NADSYN1: variants seen among roughly 807,000 people sequenced by gnomAD.
The protein encoded by NADSYN1 is glutamine-dependent NAD(+) synthetase.
In NADSYN1, 80 loss-of-function variants were observed where a neutral mutation model predicts 99.3. The observed-to-expected ratio is 0.81, with a 90% CI of 0.67 to 0.97. The LOEUF (loss-of-function observed/expected upper bound fraction) is 0.97, where lower values mean the gene tolerates loss of function less well. Among genes scored for constraint, NADSYN1 ranks in the 50% least tolerant of loss-of-function variants. The probability of loss-of-function intolerance (pLI) is 0.00; values close to 1 mark genes in which losing one functional copy is unlikely to be tolerated. For missense variants in NADSYN1, 859 were observed against 948.5 expected (o/e 0.91, Z 1.24); for synonymous variants, 385 against 372.1 (o/e 1.03, Z -0.40).
At chr11:71,453,434 G>T in intron 1 of NADSYN1, 53 bp downstream of exon 1, 1 of 1,503,136 alleles carries the variant, frequency 6.7e-7, no homozygotes. Flanking sequence ...GGGCACCGTG[G>T]CTGGGCCCAG....
chr11:71,465,922 A>G (rs1264658513), intron 5 of NADSYN1, among the ~76,000 whole-genome samples: 1 of 152,098 alleles, frequency 6.6e-6, no homozygotes, highest in Non-Finnish European at 1.5e-5. Context: ...ATATACAATG[A>G]ATTTTCCTTT....
chr11:71,473,017 C>G (rs574891639), intron 6 of NADSYN1, among the ~76,000 whole-genome samples: 1 of 152,216 alleles, frequency 6.6e-6, no homozygotes, highest in African/African-American at 2.4e-5. Flanking sequence ...GCAGCCCCAT[C>G]GATGTCCGTG....
chr11:71,466,642 C>T (rs1312062698), intron 5 of NADSYN1: 1 of 152,294 alleles, frequency 6.6e-6, no homozygotes, highest in Non-Finnish European at 1.5e-5. Context: ...CCTCGCGGTT[C>T]ACTTTCTGTC....
chr11:71,454,435 C>T (rs1250800650), intron 1 of NADSYN1, among the ~76,000 whole-genome samples: 1 of 152,252 alleles, frequency 6.6e-6, no homozygotes, highest in Non-Finnish European at 1.5e-5. Context: ...TGGCCTCGAA[C>T]TCCTGACCTC....
rs1949492360 is a variant in NADSYN1, at chr11:71,453,355, A to AG, written c.62dup (p.Asn22GlnfsTer10). 1.2e-6 allele frequency: 2 copies of AG among 1,613,690 alleles called. No homozygotes were observed. The highest frequency in any genetic ancestry group is 1.7e-5 in the Admixed American group (1 of 59,998). ...CTCAACCAGTGGGCCCTGGACTTCG[A>AG]GGGCAATTTGCAAAGAATTTTAAAG... On this transcript the variant is annotated frameshift_variant, in exon 1 of 21. Coordinates refer to ENST00000319023, the MANE Select transcript of NADSYN1 (RefSeq NM_018161.5). LOFTEE classifies it high-confidence loss of function.
At chr11:71,469,927 G>GAAAGAAAAAAAA (rs1949615922) in intron 5 of NADSYN1, among the ~76,000 whole-genome samples, 1 of 109,180 alleles carries the variant, frequency 9.2e-6, no homozygotes. Context: ...GCCTGTCTCA[G>GAAAGAAAAAAAA]AAAAAAAAAA....
chr11:71,458,063 A>G (rs577775013), intron 2 of NADSYN1, among the ~76,000 whole-genome samples: 2 of 152,286 alleles, frequency 1.3e-5, no homozygotes, highest in South Asian at 4.1e-4. Context: ...TTTGCCAAAG[A>G]ATGGATTTCT....
At chr11:71,473,717 AG>A in intron 8 of NADSYN1, 31 bp downstream of exon 8, 1 of 1,488,272 alleles carries the variant, frequency 6.7e-7, no homozygotes, top group Non-Finnish European at 9.4e-7. Flanking sequence ...CGTGCGCCAC[AG>A]GGCAGACACT....
chr11:71,464,325 T>C, intron 5 of NADSYN1, 183 bp downstream of exon 5: 1 of 547,922 alleles, frequency 1.8e-6, no homozygotes, highest in Non-Finnish European at 3.2e-6. Context: ...AAGGAGAGAG[T>C]GATTGAAAAT....
chr11:71,492,259 G>A (rs1949786851), intron 18 of NADSYN1, among the ~76,000 whole-genome samples: 1 of 152,222 alleles, frequency 6.6e-6, no homozygotes, highest in African/African-American at 2.4e-5. Flanking sequence ...CTGGCCCTTC[G>A]TGATGAGGCC....
At chr11:71,498,744 G>A (rs565645877) in intron 20 of NADSYN1, 15 of 477,996 alleles carry the variant, frequency 3.1e-5, no homozygotes, top group South Asian at 4.8e-5. Context: ...TGTCCAACAT[G>A]ACATTTCGAT....
intron 17 of NADSYN1, 93 bp downstream of exon 17, chr11:71,491,069 A>G: frequency 1.3e-6 from 2 of 1,532,850 alleles, no homozygotes; most frequent in East Asian, 2.3e-5. Context: ...GCTCCTTCGT[A>G]GCTCCTGTTG....
chr11:71,478,848 G>A (rs1949686713), intron 10 of NADSYN1: 2 of 188,752 alleles, frequency 1.1e-5, no homozygotes, highest in Admixed American at 1.0e-4. Flanking sequence ...GCCGAGGCTG[G>A]TCCCCACTTC....
At chr11:71,501,163 G>A (rs549249297) in intron 20 of NADSYN1, 139 bp from the exon 21 acceptor site, 15 of 741,818 alleles carry the variant, frequency 2.0e-5, no homozygotes, top group African/African-American at 9.0e-5. Flanking sequence ...CAGCACACAC[G>A]CCCAGCATCT....
In NADSYN1 at chr11:71,454,042, G is replaced by A. The variant is rs80203035; in HGVS notation, c.85+661G>A. Among the ~76,000 whole-genome samples the A allele has an allele frequency of 3.3e-3, 501 of 152,318 alleles. 5 individuals are homozygous for A. The highest frequency in any genetic ancestry group is 0.012 in the African/African-American group (486 of 41,556). On this transcript the variant is annotated intron_variant, in intron 1 of 20. Coordinates refer to ENST00000319023, the MANE Select transcript of NADSYN1 (RefSeq NM_018161.5). ...TCGTTCATATGGACGCACCGTGGAG[G>A]ATGAAAAGTTAAACTATTACACCTG...
chr11:71,481,153 G>A, intron 11 of NADSYN1: 1 of 663,554 alleles, frequency 1.5e-6, no homozygotes, highest in Non-Finnish European at 2.6e-6. Context: ...TTAAAATGAG[G>A]ACGATGATAA....
intron 4 of NADSYN1, among the ~76,000 whole-genome samples, chr11:71,463,785 C>T (rs1242219562): frequency 6.6e-6 from 1 of 152,166 alleles, no homozygotes; most frequent in Non-Finnish European, 1.5e-5. Flanking sequence ...TGAGCAAGTT[C>T]CCTTGGAGCG....
At chr11:71,471,454 G>A (rs901316672) in intron 5 of NADSYN1, among the ~76,000 whole-genome samples, 1 of 152,222 alleles carries the variant, frequency 6.6e-6, no homozygotes, top group East Asian at 1.9e-4. Context: ...CCATCCTCAA[G>A]GTGTGCGCTG....
At chr11:71,481,528 A>T in intron 12 of NADSYN1, 124 bp downstream of exon 12, 3 of 971,686 alleles carry the variant, frequency 3.1e-6, no homozygotes, top group South Asian at 1.6e-5. Context: ...GCATTTCATC[A>T]CTCTGCCTCC....
Sources: allele counts gnomAD v4.1 joint callset (sites outside exome capture counted in the v4.1 genomes callset), GRCh38; gene constraint gnomAD v4.1.1; transcripts MANE v1.5; gene names NCBI Gene and HGNC (gene_info 2026-07-23, HGNC 2026-07-21).